The following GPC6 variants were observed in gnomAD, a reference collection of about 807,000 sequenced individuals.
GPC6 encodes glypican 6.
A neutral mutation model predicts 55.2 loss-of-function variants in GPC6; 14 were observed. The ratio of observed to expected loss-of-function variants is 0.25; its 90% CI spans 0.17 to 0.40. The LOEUF (loss-of-function observed/expected upper bound fraction) is 0.40, where lower values mean the gene tolerates loss of function less well. Ranked by LOEUF, GPC6 falls within the 10% of genes least tolerant of loss-of-function variation. GPC6 has a pLI of 1.00. For synonymous variants in GPC6, 278 were observed against 259.6 expected (o/e 1.07, Z -0.68); for missense variants, 641 against 708.5 (o/e 0.90, Z 1.08).
chr13:93,824,041 T>TAA (rs540584164), intron 2 of GPC6, among the ~76,000 whole-genome samples: 1 of 152,080 alleles, frequency 6.6e-6, no homozygotes, highest in Non-Finnish European at 1.5e-5. Context: ...AACTGTAATT[T>TAA]AAAAAAATCT....
chr13:94,188,711 T>C (rs1889285368), intron 4 of GPC6, among the ~76,000 whole-genome samples: 1 of 152,124 alleles, frequency 6.6e-6, no homozygotes, highest in Non-Finnish European at 1.5e-5. Flanking sequence ...TGCTCACCTC[T>C]GTCCCCTTCT....
chr13:94,083,268 G>A (rs9556350), intron 4 of GPC6, among the ~76,000 whole-genome samples: 69,387 of 151,764 alleles, frequency 0.46, 17,479 homozygotes, highest in Non-Finnish European at 0.57. Flanking sequence ...ACAGGCGCCC[G>A]CCACCACACC....
the GPC6 span, among the ~76,000 whole-genome samples, chr13:93,220,720 C>T: frequency 0.032 from 4,915 of 152,086 alleles, 125 homozygotes; most frequent in East Asian, 0.1. Context: ...CAAGATTGTT[C>T]CTAGGCATAG....
chr13:93,828,367 A>G (rs1887345369), intron 2 of GPC6, among the ~76,000 whole-genome samples: 1 of 152,040 alleles, frequency 6.6e-6, no homozygotes, highest in Non-Finnish European at 1.5e-5. Flanking sequence ...TCATACTTTT[A>G]TATTAATAAT....
chr13:93,934,466 A>G (rs1878332099), intron 3 of GPC6, among the ~76,000 whole-genome samples: 1 of 152,146 alleles, frequency 6.6e-6, no homozygotes, highest in Admixed American at 6.6e-5. Flanking sequence ...AATCCCCTTA[A>G]GTAAAACTGA....
At chr13:93,500,846 A>AC (rs2091001700) in intron 1 of GPC6, among the ~76,000 whole-genome samples, 1 of 152,138 alleles carries the variant, frequency 6.6e-6, no homozygotes, top group Admixed American at 6.6e-5. Context: ...ACTGTTGCCC[A>AC]ATCTCTCCCA....
intron 2 of GPC6, among the ~76,000 whole-genome samples, chr13:93,625,779 C>G (rs1433506627): frequency 6.6e-6 from 1 of 152,206 alleles, no homozygotes; most frequent in Non-Finnish European, 1.5e-5. Flanking sequence ...CAAATGTGCT[C>G]TTTCCCCTGG....
At chr13:93,829,123 C>A (rs549791271) in intron 2 of GPC6, among the ~76,000 whole-genome samples, 2 of 152,280 alleles carry the variant, frequency 1.3e-5, no homozygotes, top group East Asian at 3.9e-4. Flanking sequence ...AGAGGTAAAG[C>A]AGAATCATTT....
At chr13:93,717,247 T>C (rs1883281941) in intron 2 of GPC6, among the ~76,000 whole-genome samples, 2 of 151,744 alleles carry the variant, frequency 1.3e-5, no homozygotes, top group South Asian at 4.1e-4. Context: ...GTAGTTATTC[T>C]ATAAATAAAA....
At chr13:93,232,826 A>G (rs1876107041) in intron 1 of GPC6, among the ~76,000 whole-genome samples, 1 of 152,172 alleles carries the variant, frequency 6.6e-6, no homozygotes, top group Admixed American at 6.5e-5. Flanking sequence ...CTAGTTTTGT[A>G]TAGAAATCTG....
At chr13:93,701,913 GT>G (rs1482905463) in intron 2 of GPC6, among the ~76,000 whole-genome samples, 14 of 151,986 alleles carry the variant, frequency 9.2e-5, no homozygotes, top group African/African-American at 3.4e-4. Context: ...CTTTGCTGAA[GT>G]CTTGAAGAAA....
chr13:93,825,968 C>G (rs1482570035), intron 2 of GPC6, among the ~76,000 whole-genome samples: 1 of 144,972 alleles, frequency 6.9e-6, no homozygotes, highest in Admixed American at 7.3e-5. Context: ...TCAAGTGATT[C>G]TCCTGCCTCA....
chr13:93,924,985 C>T (rs1877778138), intron 3 of GPC6, among the ~76,000 whole-genome samples: 1 of 152,050 alleles, frequency 6.6e-6, no homozygotes, highest in Non-Finnish European at 1.5e-5. Flanking sequence ...ATGTGAAAAA[C>T]ATGAAAAGAG....
At chr13:93,849,496 C>G (rs1039150968) in intron 3 of GPC6, among the ~76,000 whole-genome samples, 2 of 152,084 alleles carry the variant, frequency 1.3e-5, no homozygotes, top group African/African-American at 4.8e-5. Flanking sequence ...GAAGGCCCAT[C>G]TCCCTCTAGC....
chr13:93,444,122 A>G (rs1368245617), intron 1 of GPC6, among the ~76,000 whole-genome samples: 1 of 151,970 alleles, frequency 6.6e-6, no homozygotes, highest in Non-Finnish European at 1.5e-5. Flanking sequence ...ATTGTTGAAA[A>G]ATGTTATCAA....
At chr13:94,054,385 G>A (rs557905592) in intron 4 of GPC6, among the ~76,000 whole-genome samples, 6 of 152,298 alleles carry the variant, frequency 3.9e-5, no homozygotes, top group South Asian at 2.1e-4. Flanking sequence ...GGAGTCGCCC[G>A]GAGGGCCTGT....
At chr13:93,629,331 A>G (rs1879335692) in intron 2 of GPC6, among the ~76,000 whole-genome samples, 1 of 152,138 alleles carries the variant, frequency 6.6e-6, no homozygotes, top group Admixed American at 6.6e-5. Context: ...TAGTAGAAAA[A>G]TACATATGCA....
At chr13:94,272,532 C>G (rs1273884468) in intron 4 of GPC6, among the ~76,000 whole-genome samples, 29 of 142,186 alleles carry the variant, frequency 2.0e-4, no homozygotes, top group East Asian at 1.6e-3. Context: ...GCAGTGGTGC[C>G]ATCTCAGCTC....
At chr13:93,639,556 G>T (rs1001355374) in intron 2 of GPC6, among the ~76,000 whole-genome samples, 2 of 152,116 alleles carry the variant, frequency 1.3e-5, no homozygotes, top group African/African-American at 4.8e-5. Context: ...AAAAATCCAG[G>T]TAGGAGAAGA....
Sources: allele counts gnomAD v4.1 joint callset (sites outside exome capture counted in the v4.1 genomes callset), GRCh38; gene constraint gnomAD v4.1.1; transcripts MANE v1.5; gene names NCBI Gene and HGNC (gene_info 2026-07-23, HGNC 2026-07-21).